Variants in CLASP2 observed in about 807,000 individuals in gnomAD.
CLASP2 encodes the protein cytoplasmic linker associated protein 2.
A neutral mutation model predicts 194.4 loss-of-function variants in CLASP2; 47 were observed. The ratio of observed to expected loss-of-function variants is 0.24; its 90% CI spans 0.19 to 0.31. The LOEUF (loss-of-function observed/expected upper bound fraction) is 0.31, where lower values mean the gene tolerates loss of function less well. CLASP2 is among the 10% of genes least tolerant of loss of function. CLASP2 has a pLI of 1.00. For missense variants in CLASP2, 1,445 were observed against 1,823.6 expected, an observed-to-expected ratio of 0.79 and a Z score of 3.78; for synonymous variants, 619 against 633.5, an observed-to-expected ratio of 0.98 and a Z score of 0.34.
chr3:33,689,622 T>A (rs2091111798), intron 3 of CLASP2: 2 of 410,594 alleles, frequency 4.9e-6, no homozygotes, highest in Non-Finnish European at 8.6e-6. Flanking sequence ...TAGTTAGCTT[T>A]TAAAAAAAAA....
chr3:33,553,248 G>A (rs2060347299), intron 29 of CLASP2, among the ~76,000 whole-genome samples: 1 of 151,584 alleles, frequency 6.6e-6, no homozygotes, highest in African/African-American at 2.4e-5. Context: ...CCTACTTCCA[G>A]TTAAAAAAAA....
At chr3:33,529,808 C>T (rs557061460) in intron 34 of CLASP2, among the ~76,000 whole-genome samples, 3 of 151,848 alleles carry the variant, frequency 2.0e-5, no homozygotes, top group South Asian at 2.1e-4. Flanking sequence ...GGTGAAACCC[C>T]GTCTCTACTA....
Position 33,516,572 on chromosome 3 carries a change from C to T in CLASP2, c.3981+409G>A, listed in dbSNP as rs530324773. ...ATCCCAGCTACTCAGGAGGCTGAGG[C>T]AGGAGAATCACTGGAGCCTGGGAGA... On this transcript the variant is annotated intron_variant, in intron 35 of 38. Transcript: ENST00000682230. 3.0e-4 allele frequency among the ~76,000 whole-genome samples: 45 copies of T among 152,154 alleles called. No homozygotes were observed. The Middle Eastern group carries it at 0.01, about 35-fold the overall frequency.
intron 16 of CLASP2, among the ~76,000 whole-genome samples, chr3:33,606,356 C>T (rs146279691): frequency 2.4e-4 from 36 of 152,124 alleles, no homozygotes; most frequent in East Asian, 1.5e-3. Context: ...CTTCTACAGA[C>T]GTGAACATAT....
Position 33,602,528 on chromosome 3 carries a change from A to C in CLASP2, c.1924+424T>G, listed in dbSNP as rs376086513. 9.2e-6 allele frequency: 7 copies of C among 761,730 alleles called. No individual in the cohort carries two copies. In the East Asian group the frequency reaches 1.2e-4, roughly 13 times the overall value. 47.2% of individuals were successfully genotyped at this position (761,730 alleles called of 1,614,324 possible). ...GAATAGAGTTTTGGAATATATGTTT[A>C]GGGTTTGGTTAGACAGAGTAGAGCT... On this transcript the variant is annotated intron_variant, in intron 18 of 38. Coordinates refer to ENST00000682230, the MANE Select transcript of CLASP2 (RefSeq NM_001365631.1).
intron 27 of CLASP2, among the ~76,000 whole-genome samples, chr3:33,565,507 C>T (rs1363709995): frequency 1.3e-5 from 2 of 152,054 alleles, no homozygotes; most frequent in Admixed American, 1.3e-4. Flanking sequence ...CTCTAGTTTA[C>T]TTTATTATAA....
intron 27 of CLASP2, among the ~76,000 whole-genome samples, chr3:33,562,494 A>G (rs1382326058): frequency 6.6e-6 from 1 of 152,192 alleles, no homozygotes; most frequent in Non-Finnish European, 1.5e-5. Context: ...GCACCTGTCT[A>G]GAGAGTCAAT....
At chr3:33,543,914 TG>T (rs1318254640) in intron 31 of CLASP2, among the ~76,000 whole-genome samples, 1 of 152,196 alleles carries the variant, frequency 6.6e-6, no homozygotes, top group Admixed American at 6.5e-5. Context: ...AGTTAAATCT[TG>T]TCATACTATT....
At chr3:33,578,405 C>A (rs944139136) in intron 23 of CLASP2, among the ~76,000 whole-genome samples, 4 of 151,892 alleles carry the variant, frequency 2.6e-5, no homozygotes, top group Admixed American at 2.0e-4. Flanking sequence ...AAATGAATAG[C>A]CAAAAAATGC....
chr3:33,554,151 A>G (rs1004775188), intron 29 of CLASP2, among the ~76,000 whole-genome samples: 2 of 150,174 alleles, frequency 1.3e-5, no homozygotes, highest in African/African-American at 2.4e-5. Flanking sequence ...TCGCTTGAAC[A>G]TGGGAGGTGG....
intron 33 of CLASP2, among the ~76,000 whole-genome samples, chr3:33,538,303 AT>A (rs1437732464): frequency 6.6e-6 from 1 of 152,140 alleles, no homozygotes; most frequent in Non-Finnish European, 1.5e-5. Context: ...TCTCCTCTAG[AT>A]TTTATGTGGC....
intron 1 of CLASP2, among the ~76,000 whole-genome samples, chr3:33,708,038 G>T (rs1465223981): frequency 2.0e-5 from 3 of 152,094 alleles, no homozygotes; most frequent in East Asian, 1.9e-4. Context: ...AGGCCTAAAG[G>T]TATCACTAGG....
intron 7 of CLASP2, among the ~76,000 whole-genome samples, chr3:33,660,490 C>A (rs1291813182): frequency 6.6e-6 from 1 of 152,176 alleles, no homozygotes; most frequent in African/African-American, 2.4e-5. Context: ...ATCACCTTTA[C>A]AACAAATCCT....
At chr3:33,686,816 A>C (rs976022604) in intron 5 of CLASP2, among the ~76,000 whole-genome samples, 9 of 152,186 alleles carry the variant, frequency 5.9e-5, no homozygotes, top group Admixed American at 4.6e-4. Flanking sequence ...TCTCACACTC[A>C]AGAACTAACC....
intron 9 of CLASP2, 38 bp downstream of exon 9, chr3:33,632,254 C>T: frequency 7.6e-7 from 1 of 1,317,178 alleles, no homozygotes; most frequent in Non-Finnish European, 1.1e-6. Flanking sequence ...AACAGGCACA[C>T]AGGCAATATT....
intron 7 of CLASP2, among the ~76,000 whole-genome samples, chr3:33,651,111 A>G (rs139996351): frequency 6.6e-6 from 1 of 152,284 alleles, no homozygotes; most frequent in East Asian, 1.9e-4. Flanking sequence ...GGCTGGGCGT[A>G]GTGGTTCACA....
intron 1 of CLASP2, among the ~76,000 whole-genome samples, chr3:33,697,625 G>T (rs542222865): frequency 6.6e-6 from 1 of 152,250 alleles, no homozygotes; most frequent in African/African-American, 2.4e-5. Context: ...TTTCCTAAAT[G>T]TAACAGTTAA....
At chr3:33,714,870 C>A (rs2093217154) in intron 1 of CLASP2, among the ~76,000 whole-genome samples, 1 of 152,146 alleles carries the variant, frequency 6.6e-6, no homozygotes. Flanking sequence ...CCACCACGCC[C>A]AGTTACCTCC....
intron 33 of CLASP2, among the ~76,000 whole-genome samples, 175 bp downstream of exon 33, chr3:33,538,614 T>C (rs1469422129): frequency 1.3e-5 from 2 of 152,242 alleles, no homozygotes; most frequent in Non-Finnish European, 2.9e-5. Flanking sequence ...GATTTTGTTG[T>C]ATAAATCTAA....
Sources: allele counts gnomAD v4.1 joint callset (sites outside exome capture counted in the v4.1 genomes callset), GRCh38; gene constraint gnomAD v4.1.1; transcripts MANE v1.5; gene names NCBI Gene and HGNC (gene_info 2026-07-23, HGNC 2026-07-21).